SPATA13: variants seen among roughly 807,000 people sequenced by gnomAD.
SPATA13 encodes spermatogenesis associated 13, also known as spermatogenesis-associated protein 13.
In SPATA13, 50 loss-of-function variants were observed where a neutral mutation model predicts 104.0. The observed-to-expected ratio is 0.48, with a 90% CI of 0.38 to 0.61. The LOEUF is 0.61. SPATA13 is among the 20% of genes least tolerant of loss of function. The probability of loss-of-function intolerance (pLI) is 0.00; values close to 1 mark genes in which losing one functional copy is unlikely to be tolerated. For missense variants in SPATA13, 1,524 were observed against 1,690.6 expected (o/e 0.90, Z 1.73); for synonymous variants, 606 against 667.5 (o/e 0.91, Z 1.42).
intron 2 of SPATA13, among the ~76,000 whole-genome samples, chr13:24,239,693 TAAAAAAA>T (rs55881452): frequency 5.5e-4 from 26 of 46,940 alleles, no homozygotes; most frequent in African/African-American, 1.7e-3. Context: ...AGACCATATC[TAAAAAAA>T]AAAAAAAAAA....
At chr13:24,221,131 T>C (rs565249816) in intron 1 of SPATA13, among the ~76,000 whole-genome samples, 1 of 152,322 alleles carries the variant, frequency 6.6e-6, no homozygotes, top group South Asian at 2.1e-4. Context: ...TGTGCTTCTC[T>C]GTTCATTAGT....
At chr13:24,183,562 A>T (rs1229362426) in intron 1 of SPATA13, among the ~76,000 whole-genome samples, 1 of 151,806 alleles carries the variant, frequency 6.6e-6, no homozygotes, top group African/African-American at 2.4e-5. Context: ...GGGGCCCAAC[A>T]CAAATTCGTA....
At chr13:24,196,141 A>C (rs1046553140) in intron 1 of SPATA13, among the ~76,000 whole-genome samples, 3 of 152,146 alleles carry the variant, frequency 2.0e-5, no homozygotes, top group Non-Finnish European at 2.9e-5. Context: ...AGGGCCTGGA[A>C]AAATTTTTCT....
chr13:24,251,826 C>T lies in SPATA13; in HGVS notation c.2128C>T (p.Arg710Cys), dbSNP rs779348512. 47 of 1,613,874 alleles carry T rather than the reference C, an allele frequency of 2.9e-5. No homozygotes were observed. Among genetic ancestry groups the T allele is most frequent in the East Asian group, 2.2e-4 (10 of 44,878 alleles). Reference sequence around the variant, plus strand: ...CCAGAGCACCCCCATTGGGTTGGACCGTGTGGGACGCCGGCGGCAGATGAG... The same window carrying T: ...CCAGAGCACCCCCATTGGGTTGGACTGTGTGGGACGCCGGCGGCAGATGAG... Reference protein sequence around the residue: ...FSQSTPIGLDRVGRRRQMRAS... With the variant: ...FSQSTPIGLDCVGRRRQMRAS... Residue 710 changes from arginine (R) to cysteine (C), a missense_variant, in exon 4 of 13, where the codon CGT becomes TGT. Coordinates refer to ENST00000382108, the MANE Select transcript of SPATA13 (RefSeq NM_001166271.3).
intron 3 of SPATA13, chr13:24,034,662 G>T (rs9553147): frequency 1.3e-5 from 2 of 152,154 alleles, no homozygotes; most frequent in African/African-American, 2.4e-5. Flanking sequence ...TCATTGGGAG[G>T]TTCACCAGGT....
intron 3 of SPATA13, among the ~76,000 whole-genome samples, chr13:24,060,891 T>C (rs1439668365): frequency 1.3e-5 from 2 of 152,052 alleles, no homozygotes; most frequent in African/African-American, 4.8e-5. Context: ...ATACAAAAAT[T>C]AGCTGGGCAT....
chr13:24,045,932 G>A (rs1566084335), intron 3 of SPATA13, among the ~76,000 whole-genome samples: 4 of 152,124 alleles, frequency 2.6e-5, no homozygotes, highest in African/African-American at 9.7e-5. Flanking sequence ...CACCTCAATG[G>A]GCAATGTGAA....
At chr13:23,994,584 C>T (rs965985330) in intron 2 of SPATA13, among the ~76,000 whole-genome samples, 1 of 152,224 alleles carries the variant, frequency 6.6e-6, no homozygotes, top group Non-Finnish European at 1.5e-5. Flanking sequence ...CGCTAATTAT[C>T]CACAACTAGG....
chr13:24,178,045 G>C (rs927979766), intron 1 of SPATA13, among the ~76,000 whole-genome samples: 7 of 151,088 alleles, frequency 4.6e-5, no homozygotes, highest in African/African-American at 1.7e-4. Flanking sequence ...GTAGAGATGG[G>C]GTCTTATCAT....
At chr13:24,268,339 C>G (rs1209879344) in intron 4 of SPATA13, among the ~76,000 whole-genome samples, 2 of 152,168 alleles carry the variant, frequency 1.3e-5, no homozygotes, top group Non-Finnish European at 2.9e-5. Flanking sequence ...CTGTGAAAAA[C>G]AGTATCGAGG....
chr13:24,123,168 T>G, intron 3 of SPATA13: 1 of 1,194,770 alleles, frequency 8.4e-7, no homozygotes, highest in Non-Finnish European at 1.3e-6. Context: ...AAGAAGAGCC[T>G]GCATTACAGG....
At chr13:24,207,103 A>G (rs9553218) in intron 1 of SPATA13, among the ~76,000 whole-genome samples, 99,089 of 151,238 alleles carry the variant, frequency 0.66, 32,766 homozygotes, top group South Asian at 0.83. Flanking sequence ...TATCCTCAGC[A>G]AACTAAAGCA....
intron 4 of SPATA13, among the ~76,000 whole-genome samples, chr13:24,282,425 C>G (rs777040397): frequency 5.3e-5 from 8 of 152,196 alleles, no homozygotes; most frequent in Non-Finnish European, 4.4e-5. Flanking sequence ...GCCCTCTGTC[C>G]TTGCTGGCAC....
chr13:24,277,986 G>A (rs548841613), intron 4 of SPATA13, among the ~76,000 whole-genome samples: 11 of 152,228 alleles, frequency 7.2e-5, no homozygotes, highest in Admixed American at 2.6e-4. Context: ...CTTTAAAATC[G>A]TGAAAGTAGT....
intron 3 of SPATA13, among the ~76,000 whole-genome samples, chr13:24,060,742 A>G (rs1189317972): frequency 6.6e-6 from 1 of 152,232 alleles, no homozygotes; most frequent in East Asian, 1.9e-4. Flanking sequence ...CAAATTTAGA[A>G]GAGAAAAGCA....
chr13:24,035,122 C>T (rs1270049411), intron 3 of SPATA13: 4 of 152,094 alleles, frequency 2.6e-5, no homozygotes, highest in African/African-American at 9.7e-5. Flanking sequence ...AAATTAACAT[C>T]CTATACTTAT....
In SPATA13 at chr13:24,117,234, C is replaced by G. The variant is rs775110080; in HGVS notation, c.-112+99533C>G. On this transcript the variant is annotated intron_variant, in intron 3 of 14. Transcript: ENST00000424834. ...AATCTACATACAGATTTAGTAATCT[C>G]TATGTAGATATAGAACATAGTGTAT... Among the ~76,000 whole-genome samples, 15 of 152,186 alleles carry G rather than the reference C, an allele frequency of 9.9e-5. 1 individual carries two copies. The highest frequency in any genetic ancestry group is 7.9e-4 in the Admixed American group (12 of 15,276).
intron 3 of SPATA13, among the ~76,000 whole-genome samples, chr13:24,117,198 A>G (rs1365491669): frequency 6.6e-6 from 1 of 152,218 alleles, no homozygotes; most frequent in East Asian, 1.9e-4. Flanking sequence ...TACATTGTAG[A>G]TGGAATAACA....
At chr13:24,026,024 C>T (rs1166680177) in intron 3 of SPATA13, among the ~76,000 whole-genome samples, 4 of 152,022 alleles carry the variant, frequency 2.6e-5, no homozygotes, top group South Asian at 2.1e-4. Flanking sequence ...TGGCTGGTCT[C>T]GAACTCTGGA....
Sources: gnomAD v4.1 joint callset for allele counts (sites outside exome capture counted in the v4.1 genomes callset) on GRCh38, gnomAD v4.1.1 for gene constraint, MANE v1.5 for transcripts, NCBI Gene and HGNC (gene_info 2026-07-23, HGNC 2026-07-21) for gene names.